COX7B2: variants seen among roughly 807,000 people sequenced by gnomAD.
COX7B2 encodes cytochrome c oxidase subunit 7B2, mitochondrial.
For missense variants in COX7B2, 109 were observed against 95.9 expected (o/e 1.14, Z -0.57); for synonymous variants, 37 against 32.1 (o/e 1.15, Z -0.51).
chr4:46,838,822 C>T (rs1033621662), intron 2 of COX7B2, among the ~76,000 whole-genome samples: 1 of 151,882 alleles, frequency 6.6e-6, no homozygotes, highest in Non-Finnish European at 1.5e-5. Context: ...CTGATAATTC[C>T]GAATGGCATT....
intron 2 of COX7B2, among the ~76,000 whole-genome samples, chr4:46,743,509 G>GAT (rs2109405964): frequency 6.6e-6 from 1 of 152,272 alleles, no homozygotes; most frequent in African/African-American, 2.4e-5. Context: ...GTTTGACAGT[G>GAT]ATTCCAATTG....
At chr4:46,746,969 G>A (rs1246982911) in intron 2 of COX7B2, among the ~76,000 whole-genome samples, 1 of 152,082 alleles carries the variant, frequency 6.6e-6, no homozygotes, top group African/African-American at 2.4e-5. Flanking sequence ...ATAATGATAA[G>A]GTTTCAATGT....
At chr4:46,877,016 GAACTAA>G (rs1244758748) in intron 1 of COX7B2, among the ~76,000 whole-genome samples, 1 of 152,020 alleles carries the variant, frequency 6.6e-6, no homozygotes, top group African/African-American at 2.4e-5. Context: ...TTAAGTTTTT[GAACTAA>G]AACCATTAGC....
chr4:46,774,060 T>G (rs535745862), intron 2 of COX7B2, among the ~76,000 whole-genome samples: 1 of 152,286 alleles, frequency 6.6e-6, no homozygotes, highest in South Asian at 2.1e-4. Context: ...GACAGTCAGA[T>G]CCAACAGAAT....
In COX7B2 at chr4:46,792,100, C is replaced by T. The variant is rs141845407; in HGVS notation, c.-50+52860G>A. Among the ~76,000 whole-genome samples the T allele has an allele frequency of 5.9e-5, 9 of 152,222 alleles. No homozygotes were observed. The East Asian group carries it at 1.7e-3, about 29-fold the overall frequency. On this transcript the variant is annotated intron_variant, in intron 2 of 2. Transcript: ENST00000355591. ...TTTGTGGTAAGAATCCCTATTGTGC[C>T]CTTGACAGATCAGGGATCATTTATG... is the stretch of plus-strand genomic sequence containing the variant.
At chr4:46,790,261 G>C (rs987168503) in intron 2 of COX7B2, among the ~76,000 whole-genome samples, 3 of 152,166 alleles carry the variant, frequency 2.0e-5, no homozygotes, top group Admixed American at 1.3e-4. Flanking sequence ...ACCTAAGGTT[G>C]GTTCTGCAGA....
chr4:46,740,029 A>C (rs994428175), intron 2 of COX7B2, among the ~76,000 whole-genome samples: 5 of 152,002 alleles, frequency 3.3e-5, no homozygotes, highest in Non-Finnish European at 1.5e-5. Flanking sequence ...TTTTATTTTC[A>C]TGATAATATA....
At chr4:46,870,091 G>T (rs1457609131) in intron 1 of COX7B2, among the ~76,000 whole-genome samples, 1 of 151,560 alleles carries the variant, frequency 6.6e-6, no homozygotes, top group African/African-American at 2.4e-5. Flanking sequence ...ATTTATTTTT[G>T]TCTCACTGTT....
At chr4:46,893,864 C>T (rs375094640) in intron 1 of COX7B2, among the ~76,000 whole-genome samples, 1 of 151,996 alleles carries the variant, frequency 6.6e-6, no homozygotes, top group East Asian at 1.9e-4. Context: ...ATCTTATATA[C>T]CAACAACAGC....
At chr4:46,816,100 T>C (rs190306151) in intron 2 of COX7B2, among the ~76,000 whole-genome samples, 59 of 152,302 alleles carry the variant, frequency 3.9e-4, no homozygotes, top group Non-Finnish European at 6.9e-4. Context: ...TATAAATATA[T>C]ACTGAGTACA....
intron 2 of COX7B2, among the ~76,000 whole-genome samples, chr4:46,817,561 T>C (rs1301852580): frequency 6.6e-6 from 1 of 152,244 alleles, no homozygotes; most frequent in Non-Finnish European, 1.5e-5. Flanking sequence ...ATTTGTTATC[T>C]AACTTTAGGC....
chr4:46,886,747 G>T (rs1019221618), intron 1 of COX7B2, among the ~76,000 whole-genome samples: 4 of 152,156 alleles, frequency 2.6e-5, no homozygotes, highest in African/African-American at 9.6e-5. Flanking sequence ...AACTAAACAT[G>T]AATTTTTTTC....
chr4:46,812,173 C>T (rs1165135213), intron 2 of COX7B2, among the ~76,000 whole-genome samples: 4 of 151,996 alleles, frequency 2.6e-5, no homozygotes, highest in East Asian at 1.9e-4. Context: ...GGTTCCTGGG[C>T]TAAGGGTTTT....
At chr4:46,770,730 G>T (rs1165750426) in intron 2 of COX7B2, among the ~76,000 whole-genome samples, 3 of 151,956 alleles carry the variant, frequency 2.0e-5, no homozygotes, top group African/African-American at 7.2e-5. Context: ...ATGATGAAAT[G>T]ACTGTATCTT....
At chr4:46,890,910 G>T (rs1238507642) in intron 1 of COX7B2, among the ~76,000 whole-genome samples, 1 of 152,102 alleles carries the variant, frequency 6.6e-6, no homozygotes, top group East Asian at 1.9e-4. Context: ...GGATCTTTCT[G>T]GTCATGTGTA....
intron 2 of COX7B2, among the ~76,000 whole-genome samples, chr4:46,802,177 T>A (rs1039267170): frequency 5.3e-5 from 8 of 152,150 alleles, no homozygotes; most frequent in Admixed American, 5.2e-4. Context: ...AAGGGACCAG[T>A]GCTTAGGCAA....
At chr4:46,823,022 C>T (rs1184691728) in intron 2 of COX7B2, among the ~76,000 whole-genome samples, 1 of 152,084 alleles carries the variant, frequency 6.6e-6, no homozygotes, top group African/African-American at 2.4e-5. Context: ...ACCAGCATTT[C>T]CTTAACATGG....
intron 2 of COX7B2, among the ~76,000 whole-genome samples, chr4:46,743,614 C>T (rs1050442589): frequency 1.3e-5 from 2 of 152,066 alleles, no homozygotes; most frequent in African/African-American, 2.4e-5. Context: ...AACGGGGTTT[C>T]GATGTTATCT....
intron 1 of COX7B2, among the ~76,000 whole-genome samples, chr4:46,903,287 T>C (rs1032893035): frequency 2.6e-5 from 4 of 152,192 alleles, no homozygotes; most frequent in Non-Finnish European, 5.9e-5. Flanking sequence ...GATGAATTTA[T>C]TCTTCTGCCA....
Sources: allele counts gnomAD v4.1 joint callset (sites outside exome capture counted in the v4.1 genomes callset), GRCh38; gene constraint gnomAD v4.1.1; transcripts MANE v1.5; gene names NCBI Gene and HGNC (gene_info 2026-07-23, HGNC 2026-07-21).